CHEK2: variants seen among roughly 807,000 people sequenced by gnomAD.
The protein encoded by CHEK2 is serine/threonine-protein kinase Chk2.
In CHEK2, 71 loss-of-function variants were observed where a neutral mutation model predicts 69.1. The observed-to-expected ratio is 1.03, with a 90% CI of 0.85 to 1.25. The LOEUF (loss-of-function observed/expected upper bound fraction) is 1.25, where lower values mean the gene tolerates loss of function less well. Ranked by LOEUF, CHEK2 falls within the 50% of genes most tolerant of loss-of-function variation. The pLI, the probability that CHEK2 is intolerant of heterozygous loss-of-function variation, is 0.00. For synonymous variants in CHEK2, 189 were observed against 226.9 expected (o/e 0.83, Z 1.50); for missense variants, 664 against 649.6 (o/e 1.02, Z -0.24).
At position 28,725,354 on chromosome 22, in the gene CHEK2, GTCAT is replaced by G; in HGVS notation, c.329_332del (p.Asn110ThrfsTer20). 1 of 1,614,048 alleles carries G rather than the reference GTCAT, an allele frequency of 6.2e-7. No individual in the cohort carries two copies. Among genetic ancestry groups the G allele is most frequent in the Non-Finnish European group, 8.5e-7 (1 of 1,179,982 alleles). Reference sequence around the variant, plus strand: ...TTTTGTCCCTCCCAAACCAGTAGTTGTCATTCACACATTCTGTAATATAAAAGCA... The same window carrying G: ...TTTTGTCCCTCCCAAACCAGTAGTTGTCACACATTCTGTAATATAAAAGCA... On this transcript the variant is annotated frameshift_variant, in exon 3 of 15. Transcript: ENST00000404276. LOFTEE classifies it high-confidence loss of function.
intron 5 of CHEK2, among the ~76,000 whole-genome samples, chr22:28,715,863 C>CT (rs112857088): frequency 1.4e-3 from 206 of 143,206 alleles, no homozygotes; most frequent in Admixed American, 2.2e-3. Context: ...ATTTCTTCTT[C>CT]TTTTTTTTTT....
intron 4 of CHEK2, 179 bp downstream of exon 4, chr22:28,724,798 T>C: frequency 1.4e-6 from 1 of 690,474 alleles, no homozygotes; most frequent in Non-Finnish European, 2.7e-6. Context: ...ACTCCTGACC[T>C]CAGGTGATCC....
chr22:28,710,088 T>A (rs745995264), intron 6 of CHEK2, 29 bp from the exon 7 acceptor site: 1 of 1,404,056 alleles, frequency 7.1e-7, no homozygotes, highest in South Asian at 1.2e-5. Context: ...CAGAGTTTAT[T>A]AGTAATAATA....
At chr22:28,722,464 C>G (rs1196938874) in intron 4 of CHEK2, among the ~76,000 whole-genome samples, 2 of 147,542 alleles carry the variant, frequency 1.4e-5, no homozygotes, top group African/African-American at 5.0e-5. Context: ...GGCGTGAACC[C>G]AGGAGGCGGA....
chr22:28,692,899 G>A (rs779047968), intron 13 of CHEK2, among the ~76,000 whole-genome samples: 3 of 152,072 alleles, frequency 2.0e-5, no homozygotes, highest in Admixed American at 6.6e-5. Flanking sequence ...GAGGATCTTC[G>A]CCCTTCACTT....
rs1190548447 is a variant in CHEK2 at position 28,699,821 on chromosome 22, T to G, written c.1008+17A>C. On this transcript the variant is annotated intron_variant, in intron 9 of 14. Coordinates refer to ENST00000404276, the MANE Select transcript of CHEK2 (RefSeq NM_007194.4). ...AAAAGAAAGGCAGCTGTCAAAAGAA[T>G]TGAGGGCTTCTTTTACCTGCACAGC... 6.4e-7 allele frequency: 1 copy of G among 1,559,328 alleles called. No individual in the cohort carries two copies. Among genetic ancestry groups the G allele is most frequent in the Non-Finnish European group, 8.8e-7 (1 of 1,130,120 alleles).
intron 7 of CHEK2, among the ~76,000 whole-genome samples, chr22:28,705,102 G>A (rs1269426588): frequency 4.8e-5 from 7 of 146,138 alleles, no homozygotes; most frequent in Non-Finnish European, 9.0e-5. Flanking sequence ...TTTTTGAGAC[G>A]GAGTCTTGCG....
At chr22:28,690,155 A>C (rs561326796) in intron 13 of CHEK2, among the ~76,000 whole-genome samples, 5 of 152,240 alleles carry the variant, frequency 3.3e-5, no homozygotes, top group African/African-American at 4.8e-5. Flanking sequence ...GAGAGGATAC[A>C]GTAAAGTCCT....
chr22:28,737,379 G>C, intron 1 of CHEK2: 1 of 417,520 alleles, frequency 2.4e-6, no homozygotes, highest in Non-Finnish European at 4.8e-6. Context: ...CAAATTGCCA[G>C]CATCTTTTGC....
intron 4 of CHEK2, 27 bp downstream of exon 4, chr22:28,724,950 C>T (rs1180623179): frequency 1.2e-6 from 2 of 1,612,532 alleles, no homozygotes; most frequent in Non-Finnish European, 1.7e-6. Flanking sequence ...AAAAAAAATT[C>T]CAGTAACCAT....
chr22:28,717,720 C>CA (rs1245849227), intron 5 of CHEK2, among the ~76,000 whole-genome samples: 2 of 151,382 alleles, frequency 1.3e-5, no homozygotes, highest in Non-Finnish European at 3.0e-5. Flanking sequence ...ACTAAAAATA[C>CA]AAAAAAATTA....
intron 10 of CHEK2, among the ~76,000 whole-genome samples, chr22:28,696,610 C>G (rs1317071915): frequency 1.3e-5 from 2 of 152,126 alleles, no homozygotes; most frequent in African/African-American, 4.8e-5. Flanking sequence ...CTGCCCACCT[C>G]GGCCTCCCAA....
rs779844113 is a variant in CHEK2, at chr22:28,694,030, A to C, written c.1461+2T>G. On this transcript the variant is annotated splice_donor_variant, in intron 13 of 14. Coordinates refer to ENST00000404276, the MANE Select transcript of CHEK2 (RefSeq NM_007194.4). LOFTEE classifies it high-confidence loss of function. ...TGCTAGCAGGCACTGTCCCACACCCACCTGAAGCCACGGGTGTCTTAAGGC... is the reference window on the plus strand; with the variant it reads ...TGCTAGCAGGCACTGTCCCACACCCCCCTGAAGCCACGGGTGTCTTAAGGC... 1 of 1,590,434 alleles carries C rather than the reference A, an allele frequency of 6.3e-7. No individual in the cohort carries two copies. Among genetic ancestry groups the C allele is most frequent in the Admixed American group, 1.7e-5 (1 of 59,978 alleles).
At chr22:28,711,248 A>G (rs1313960972) in intron 6 of CHEK2, among the ~76,000 whole-genome samples, 4 of 152,236 alleles carry the variant, frequency 2.6e-5, no homozygotes, top group Non-Finnish European at 5.9e-5. Context: ...AGGCTATTTC[A>G]ATGATTTAAT....
rs2146151199 is a variant in CHEK2 at position 28,734,602 on chromosome 22, G to A, written c.120C>T (p.Ser40=). 6.2e-7 allele frequency: 1 copy of A among 1,613,968 alleles called. No individual in the cohort carries two copies. Among genetic ancestry groups the A allele is most frequent in the Non-Finnish European group, 8.5e-7 (1 of 1,180,014 alleles). ...AGTTTGGCATCGTGCTGGTAGAGGA[G>A]CTGGATATGCCCTGGGACTGTGAGG... ...GSSSQSQGIS[S]SSTSTMPNSS... Residue 40 remains serine, a synonymous_variant, in exon 2 of 15, where the codon AGC becomes AGT. Coordinates refer to ENST00000404276, the MANE Select transcript of CHEK2 (RefSeq NM_007194.4).
rs2053681528 is a variant in CHEK2, at chr22:28,719,184, A to G, written c.683+211T>C. ...ACCCTCCAGCCTGGGTAACAGAGCA[A>G]CACCCTGTCTCACAAAGAAATAAAA... On this transcript the variant is annotated intron_variant, in intron 5 of 14. Coordinates refer to ENST00000404276, the MANE Select transcript of CHEK2 (RefSeq NM_007194.4). Among the ~76,000 whole-genome samples the G allele has an allele frequency of 1.3e-5, 2 of 152,174 alleles. 1 individual carries two copies. The highest frequency in any genetic ancestry group is 4.1e-4 in the South Asian group (2 of 4,832).
At chr22:28,734,777 T>A (rs1331251768) in intron 1 of CHEK2, 50 bp from the exon 2 acceptor site, 1 of 1,498,778 alleles carries the variant, frequency 6.7e-7, no homozygotes, top group East Asian at 2.3e-5. Flanking sequence ...GGCACAAGAC[T>A]TAAAATTAAA....
intron 1 of CHEK2, among the ~76,000 whole-genome samples, chr22:28,739,040 G>A (rs533366902): frequency 7.2e-5 from 11 of 152,256 alleles, no homozygotes; most frequent in Admixed American, 2.6e-4. Flanking sequence ...AGGCCAAGGT[G>A]GGTGAATCAT....
At chr22:28,739,400 A>G (rs912075938) in intron 1 of CHEK2, among the ~76,000 whole-genome samples, 3 of 152,078 alleles carry the variant, frequency 2.0e-5, no homozygotes, top group African/African-American at 7.2e-5. Context: ...AATCAAAACT[A>G]CAGTGAGGCC....
Sources: allele counts gnomAD v4.1 joint callset (sites outside exome capture counted in the v4.1 genomes callset), GRCh38; gene constraint gnomAD v4.1.1; transcripts MANE v1.5; gene names NCBI Gene and HGNC (gene_info 2026-07-23, HGNC 2026-07-21).